DNM3: variants seen among roughly 807,000 people sequenced by gnomAD.
DNM3 encodes the protein dynamin-3.
A neutral mutation model predicts 101.6 loss-of-function variants in DNM3; 47 were observed. That is an observed-to-expected ratio of 0.46 (90% CI 0.37 to 0.59). The LOEUF is 0.59. Ranked by LOEUF, DNM3 falls within the 20% of genes least tolerant of loss-of-function variation. The pLI, the probability that DNM3 is intolerant of heterozygous loss-of-function variation, is 0.00. For synonymous variants in DNM3, 385 were observed against 387.9 expected, an observed-to-expected ratio of 0.99 and a Z score of 0.09; for missense variants, 849 against 1,085.7, an observed-to-expected ratio of 0.78 and a Z score of 3.06.
chr1:172,290,222 A>C (rs780967818), intron 15 of DNM3: 4 of 153,574 alleles, frequency 2.6e-5, no homozygotes, highest in Non-Finnish European at 5.5e-5. Context: ...GATAGTTAAC[A>C]TACCTAATTT....
intron 14 of DNM3, among the ~76,000 whole-genome samples, chr1:172,243,156 T>C (rs1046937149): frequency 2.0e-5 from 3 of 152,140 alleles, no homozygotes; most frequent in African/African-American, 7.2e-5. Context: ...CATTATTACA[T>C]TACCAATCTC....
At chr1:172,342,730 G>A (rs1452635499) in intron 17 of DNM3, among the ~76,000 whole-genome samples, 1 of 151,912 alleles carries the variant, frequency 6.6e-6, no homozygotes, top group Non-Finnish European at 1.5e-5. Context: ...TAAAATAAAA[G>A]TTAAAGGGAA....
intron 18 of DNM3, among the ~76,000 whole-genome samples, chr1:172,382,113 C>T (rs984612940): frequency 2.6e-5 from 4 of 152,158 alleles, no homozygotes. Flanking sequence ...AATGCCTTGC[C>T]TCAGACATAC....
intron 17 of DNM3, among the ~76,000 whole-genome samples, chr1:172,333,520 A>G (rs2148939300): frequency 6.6e-6 from 1 of 152,336 alleles, no homozygotes; most frequent in East Asian, 1.9e-4. Flanking sequence ...TTTTTTAAAG[A>G]AACTATAAGC....
intron 4 of DNM3, among the ~76,000 whole-genome samples, chr1:172,028,949 G>T (rs1254572720): frequency 1.3e-5 from 2 of 148,670 alleles, no homozygotes; most frequent in Non-Finnish European, 3.0e-5. Context: ...CCCAGGACCA[G>T]ATAGATTCAC....
intron 14 of DNM3, among the ~76,000 whole-genome samples, chr1:172,190,138 C>T (rs889411951): frequency 2.7e-5 from 4 of 150,906 alleles, no homozygotes; most frequent in African/African-American, 9.7e-5. Flanking sequence ...TTAGGTATAT[C>T]TCCTAATGCT....
At chr1:172,204,490 T>C (rs2060261349) in intron 14 of DNM3, among the ~76,000 whole-genome samples, 1 of 152,110 alleles carries the variant, frequency 6.6e-6, no homozygotes, top group African/African-American at 2.4e-5. Context: ...CTTGCAGGCC[T>C]CTGAAACTCA....
At chr1:172,085,273 T>C (rs2053450958) in intron 12 of DNM3, among the ~76,000 whole-genome samples, 1 of 152,074 alleles carries the variant, frequency 6.6e-6, no homozygotes, top group Non-Finnish European at 1.5e-5. Context: ...CTAAATTACA[T>C]ATATTTTTAC....
At chr1:171,862,814 G>A (rs2034317567) in intron 1 of DNM3, among the ~76,000 whole-genome samples, 2 of 152,076 alleles carry the variant, frequency 1.3e-5, no homozygotes, top group Admixed American at 1.3e-4. Context: ...GAAAAGAGAA[G>A]CAGCAACAGA....
At chr1:172,076,637 G>C (rs923209193) in intron 11 of DNM3, among the ~76,000 whole-genome samples, 31 of 152,154 alleles carry the variant, frequency 2.0e-4, no homozygotes, top group Admixed American at 2.0e-4. Context: ...TGCATATGTT[G>C]AACCTGCCTT....
At chr1:172,345,265 G>A (rs1054421746) in intron 17 of DNM3, among the ~76,000 whole-genome samples, 2 of 152,178 alleles carry the variant, frequency 1.3e-5, no homozygotes, top group African/African-American at 4.8e-5. Flanking sequence ...TTTCATCACA[G>A]TTAAAAATAT....
intron 15 of DNM3, among the ~76,000 whole-genome samples, chr1:172,269,949 G>A (rs1040852697): frequency 1.3e-5 from 2 of 151,972 alleles, no homozygotes; most frequent in Non-Finnish European, 2.9e-5. Flanking sequence ...ATATCTCTTT[G>A]GCCGTCTTAG....
intron 4 of DNM3, among the ~76,000 whole-genome samples, chr1:172,029,684 A>T (rs906815343): frequency 1.3e-5 from 2 of 152,208 alleles, no homozygotes; most frequent in African/African-American, 4.8e-5. Context: ...AATCTCCTTA[A>T]GCTGATAAGC....
At chr1:171,897,229 A>C (rs1431424398) in intron 1 of DNM3, among the ~76,000 whole-genome samples, 1 of 152,206 alleles carries the variant, frequency 6.6e-6, no homozygotes, top group Non-Finnish European at 1.5e-5. Flanking sequence ...AATGGCAATT[A>C]GTGTAGAGTT....
intron 2 of DNM3, among the ~76,000 whole-genome samples, chr1:171,972,136 G>A (rs1394091626): frequency 6.6e-6 from 1 of 152,236 alleles, no homozygotes; most frequent in Non-Finnish European, 1.5e-5. Flanking sequence ...AATCAAAGAT[G>A]TAGAAGACAT....
chr1:171,849,880 A>G (rs148339115), intron 1 of DNM3, among the ~76,000 whole-genome samples: 160 of 152,372 alleles, frequency 1.1e-3, no homozygotes, highest in African/African-American at 3.7e-3. Context: ...GAAATTAATG[A>G]ACAAAATAGA....
intron 1 of DNM3, among the ~76,000 whole-genome samples, chr1:171,885,866 G>C (rs1427594745): frequency 6.6e-6 from 1 of 152,154 alleles, no homozygotes; most frequent in African/African-American, 2.4e-5. Context: ...TGAGGGTTAG[G>C]GGGTGGATAG....
At chr1:171,954,187 C>T (rs1289662662) in intron 2 of DNM3, among the ~76,000 whole-genome samples, 1 of 152,076 alleles carries the variant, frequency 6.6e-6, no homozygotes, top group Non-Finnish European at 1.5e-5. Context: ...CTTTTTTGCA[C>T]TTTGCCTGGA....
intron 15 of DNM3, among the ~76,000 whole-genome samples, chr1:172,279,895 T>G (rs2063423012): frequency 6.6e-6 from 1 of 152,136 alleles, no homozygotes; most frequent in Non-Finnish European, 1.5e-5. Flanking sequence ...GTGGTATTTT[T>G]TAAAAAATAG....
Sources: gnomAD v4.1 joint callset for allele counts (sites outside exome capture counted in the v4.1 genomes callset) on GRCh38, gnomAD v4.1.1 for gene constraint, MANE v1.5 for transcripts, NCBI Gene and HGNC (gene_info 2026-07-23, HGNC 2026-07-21) for gene names.